The following PLOD2 variants were observed in gnomAD, a reference collection of about 807,000 sequenced individuals.
PLOD2 encodes the protein lysine hydroxylase 2.
Under a neutral mutation model 101.0 loss-of-function variants are expected in PLOD2, and 65 were observed. The ratio of observed to expected loss-of-function variants is 0.64; its 90% confidence interval spans 0.53 to 0.79. The LOEUF (loss-of-function observed/expected upper bound fraction) is 0.79. Among genes scored for constraint, PLOD2 ranks in the 30% least tolerant of loss-of-function variants. The pLI, the probability that PLOD2 is intolerant of heterozygous loss-of-function variation, is 0.00. For missense variants in PLOD2, 909 were observed against 914.6 expected (o/e 0.99, Z 0.08); for synonymous variants, 314 against 302.9 (o/e 1.04, Z -0.38).
intron 14 of PLOD2, chr3:146,077,124 A>G (rs1936375804): frequency 8.5e-7 from 1 of 1,169,704 alleles, no homozygotes; most frequent in African/African-American, 1.6e-5. Context: ...CTCAACTGAA[A>G]AAAAGAAGAA....
chr3:146,097,105 T>C (rs1261785962), intron 7 of PLOD2, among the ~76,000 whole-genome samples: 5 of 114,496 alleles, frequency 4.4e-5, no homozygotes, highest in Non-Finnish European at 7.6e-5. Flanking sequence ...GCCCGGCCAG[T>C]CGCCCTGTCC....
chr3:146,113,338 A>C (rs1553736916), intron 3 of PLOD2, among the ~76,000 whole-genome samples: 1 of 152,144 alleles, frequency 6.6e-6, no homozygotes, highest in Non-Finnish European at 1.5e-5. Context: ...CTTACTTAAA[A>C]CTTCTCAAAG....
At chr3:146,083,314 A>G (rs1936628312) in intron 11 of PLOD2, among the ~76,000 whole-genome samples, 1 of 152,196 alleles carries the variant, frequency 6.6e-6, no homozygotes, top group Admixed American at 6.5e-5. Context: ...AGAGGAAAAA[A>G]GAGAGCTGAT....
chr3:146,102,480 ATG>A (rs1241005843), intron 7 of PLOD2, among the ~76,000 whole-genome samples: 1 of 152,200 alleles, frequency 6.6e-6, no homozygotes, highest in Non-Finnish European at 1.5e-5. Flanking sequence ...TATGAGAGAA[ATG>A]TGGCTCACTC....
At chr3:146,125,305 T>TA (rs763316254) in intron 1 of PLOD2, among the ~76,000 whole-genome samples, 9 of 152,158 alleles carry the variant, frequency 5.9e-5, no homozygotes, top group Non-Finnish European at 1.2e-4. Flanking sequence ...CCAATGTATC[T>TA]ATCTGTCAAA....
chr3:146,144,522 T>A (rs2031680027), intron 1 of PLOD2, among the ~76,000 whole-genome samples: 1 of 152,130 alleles, frequency 6.6e-6, no homozygotes, highest in African/African-American at 2.4e-5. Flanking sequence ...TTTAAATATT[T>A]TGTTTCATGA....
Position 146,106,549 on chromosome 3 carries a change from T to C in PLOD2, c.598A>G (p.Ile200Val). Residue 200 changes from isoleucine to valine, a missense_variant, in exon 5 of 20, where the codon ATT becomes GTT. Coordinates refer to ENST00000282903, the MANE Select transcript of PLOD2 (RefSeq NM_182943.3). ...TTACACACCCTTTTCAGTGGATCAA[T>C]GTAAACTTTAGTGTAAAAGAGCTGA... ...DDQLFYTKVY[I>V]DPLKREAINI... 2 of 1,528,020 alleles carry C rather than the reference T, an allele frequency of 1.3e-6. No homozygotes were observed. The highest frequency in any genetic ancestry group is 1.4e-5 in the African/African-American group (1 of 73,288). 94.7% of individuals were successfully genotyped at this position (1,528,020 alleles called of 1,614,324 possible). A position where few individuals can be genotyped will look rare whatever the true frequency, so the allele number is the denominator to read the frequency against.
chr3:146,160,843 G>T, intron 1 of PLOD2, 38 bp downstream of exon 1: 1 of 1,353,302 alleles, frequency 7.4e-7, no homozygotes, highest in Non-Finnish European at 1.0e-6. Context: ...CCCGCCGGCC[G>T]AGCCTCGCGG....
At chr3:146,107,429 C>A (rs1438785820) in intron 4 of PLOD2, among the ~76,000 whole-genome samples, 1 of 152,014 alleles carries the variant, frequency 6.6e-6, no homozygotes, top group African/African-American at 2.4e-5. Flanking sequence ...ACATTCAATA[C>A]TTTTAAAAAG....
At chr3:146,092,903 T>A (rs190284318) in intron 7 of PLOD2, among the ~76,000 whole-genome samples, 141 of 152,272 alleles carry the variant, frequency 9.3e-4, no homozygotes, top group African/African-American at 3.3e-3. Flanking sequence ...ATAGGCTTTT[T>A]AAATTTTCTT....
At chr3:146,077,585 GAAAT>G (rs1936390457) in intron 14 of PLOD2, 1 of 319,320 alleles carries the variant, frequency 3.1e-6, no homozygotes, top group Admixed American at 4.6e-5. Context: ...CCTTTAAAAA[GAAAT>G]AAAAACCTAA....
rs141419117 is a variant in PLOD2 at position 146,091,826 on chromosome 3, C to T, written c.853G>A (p.Asp285Asn). 71 of 1,601,198 alleles carry T rather than the reference C, an allele frequency of 4.4e-5. No homozygotes were observed. The highest frequency in any genetic ancestry group is 1.3e-4 in the African/African-American group (10 of 74,614). ...TCTACTGCAGACAAGTCGACTGTAT[C>T]GAATTCACAAAGAGTGCAGCCATTA... Reference protein sequence around the residue: ...QDNGCTLCEFDTVDLSAVDVH... With the variant: ...QDNGCTLCEFNTVDLSAVDVH... The change falls in exon 8 of 20, where the codon GAT becomes AAT. Residue 285 changes from aspartate (D) to asparagine (N), a missense_variant. Asp to Asn is a conservative substitution (Grantham distance 23). Transcript: ENST00000282903.
In PLOD2 at chr3:146,105,357, A is replaced by G. The variant is rs191955091; in HGVS notation, c.616-1015T>C. 2.4e-3 allele frequency among the ~76,000 whole-genome samples: 359 copies of G among 152,250 alleles called. 2 individuals carry two copies. The highest frequency in any genetic ancestry group is 8.3e-3 in the African/African-American group (344 of 41,542). On this transcript the variant is annotated intron_variant, in intron 5 of 19. Coordinates refer to ENST00000282903, the MANE Select transcript of PLOD2 (RefSeq NM_182943.3). ...ATCTCTTTGAATCTTCAGGCTCCAA[A>G]TTCTCAAATATTTGAAATCCACAAA...
rs371308242 is a variant in PLOD2 at position 146,094,231 on chromosome 3, T to A, written c.778-2330A>T. On this transcript the variant is annotated intron_variant, in intron 7 of 19. Transcript: ENST00000282903. ...TTTTCCGCCCAAATCCTTTCCTCTT[T>A]CTTCCTTTTAAAAATCATATCCAAT... 5.9e-5 allele frequency among the ~76,000 whole-genome samples: 9 copies of A among 152,354 alleles called. No homozygotes were observed. The East Asian group carries it at 1.5e-3, about 26-fold the overall frequency.
At chr3:146,112,428 C>A (rs564006982) in intron 3 of PLOD2, among the ~76,000 whole-genome samples, 8 of 151,964 alleles carry the variant, frequency 5.3e-5, no homozygotes, top group African/African-American at 1.7e-4. Flanking sequence ...TGTTCTCACT[C>A]ATAAGTGGGA....
At chr3:146,095,886 TCCCCTCTCCCCCCTCC>T (rs1937135223) in intron 7 of PLOD2, among the ~76,000 whole-genome samples, 1 of 100,720 alleles carries the variant, frequency 9.9e-6, no homozygotes, top group African/African-American at 3.8e-5. Flanking sequence ...CTCTCCCCTC[TCCCCTCTCCCCCCTCC>T]CCCCTCTCCC....
At chr3:146,157,948 T>A (rs528587705) in intron 1 of PLOD2, among the ~76,000 whole-genome samples, 3 of 152,136 alleles carry the variant, frequency 2.0e-5, no homozygotes, top group Non-Finnish European at 4.4e-5. Flanking sequence ...CACAGTAAAT[T>A]AGAGAGTTTA....
chr3:146,111,995 G>GA (rs1187815535), intron 3 of PLOD2, among the ~76,000 whole-genome samples: 2 of 152,088 alleles, frequency 1.3e-5, no homozygotes, highest in African/African-American at 2.4e-5. Flanking sequence ...TGGAGATGGG[G>GA]AAAAATAGCT....
chr3:146,093,630 T>C lies in PLOD2; in HGVS notation c.778-1729A>G, dbSNP rs183563919. Among the ~76,000 whole-genome samples, 360 of 152,274 alleles carry C rather than the reference T, an allele frequency of 2.4e-3. 2 individuals carry two copies. Among genetic ancestry groups the C allele is most frequent in the African/African-American group, 8.3e-3 (345 of 41,572 alleles). ...GAAAAGCATAGTTTTATTTAAAATATCCTGAGAAAAAGTTTTTTTAAAAGA... is the reference window on the plus strand; with the variant it reads ...GAAAAGCATAGTTTTATTTAAAATACCCTGAGAAAAAGTTTTTTTAAAAGA... On this transcript the variant is annotated intron_variant, in intron 7 of 19. Coordinates refer to ENST00000282903, the MANE Select transcript of PLOD2 (RefSeq NM_182943.3).
Sources: gnomAD v4.1 joint callset for allele counts (sites outside exome capture counted in the v4.1 genomes callset) on GRCh38, gnomAD v4.1.1 for gene constraint, MANE v1.5 for transcripts, NCBI Gene and HGNC (gene_info 2026-07-23, HGNC 2026-07-21) for gene names.